Variants in MMP16 observed in about 807,000 individuals in gnomAD.
MMP16 encodes matrix metalloproteinase-16.
Under a neutral mutation model 67.8 loss-of-function variants are expected in MMP16, and 12 were observed. The observed-to-expected ratio is 0.18, with a 90% CI of 0.11 to 0.29. The LOEUF is 0.29. Ranked by LOEUF, MMP16 falls within the 10% of genes least tolerant of loss-of-function variation. The pLI is 1.00. For missense variants in MMP16, 475 were observed against 765.7 expected (o/e 0.62, Z 4.48); for synonymous variants, 249 against 255.9 (o/e 0.97, Z 0.26).
At chr8:88,079,776 C>G (rs1182071377) in intron 6 of MMP16, among the ~76,000 whole-genome samples, 4 of 152,062 alleles carry the variant, frequency 2.6e-5, no homozygotes, top group African/African-American at 4.8e-5. Flanking sequence ...GATTATTGCC[C>G]TTATAAAAGA....
intron 1 of MMP16, among the ~76,000 whole-genome samples, chr8:88,316,863 C>A (rs909092523): frequency 1.3e-5 from 2 of 152,138 alleles, no homozygotes; most frequent in Admixed American, 1.3e-4. Flanking sequence ...CACTAAGCAT[C>A]CTCATGATTC....
chr8:88,117,297 C>G (rs1809452404), intron 5 of MMP16, among the ~76,000 whole-genome samples: 1 of 151,932 alleles, frequency 6.6e-6, no homozygotes, highest in Non-Finnish European at 1.5e-5. Flanking sequence ...TCTAAAATAC[C>G]TATTGATTAA....
rs545600166 is a variant in MMP16 at position 88,227,025 on chromosome 8, C to T, written c.133-29719G>A. Among the ~76,000 whole-genome samples, 7 of 151,880 alleles carry T rather than the reference C, an allele frequency of 4.6e-5. No homozygotes were observed. In the South Asian group the frequency reaches 1.5e-3, roughly 32 times the overall value. ...CTTCTTCTTCTCACTTACAAATAAA[C>T]AAAAGTGATCTAGAGAGTGAGCAAA... On this transcript the variant is annotated intron_variant, in intron 1 of 9. Coordinates refer to ENST00000286614, the MANE Select transcript of MMP16 (RefSeq NM_005941.5).
chr8:88,240,039 G>A (rs934280815), intron 1 of MMP16, among the ~76,000 whole-genome samples: 1 of 152,192 alleles, frequency 6.6e-6, no homozygotes, highest in African/African-American at 2.4e-5. Context: ...GACCCATGCT[G>A]CCTTACATAC....
At chr8:88,085,988 C>A (rs930660864) in intron 6 of MMP16, among the ~76,000 whole-genome samples, 5 of 150,754 alleles carry the variant, frequency 3.3e-5, no homozygotes, top group Non-Finnish European at 4.4e-5. Flanking sequence ...AATGCATACT[C>A]ATTCATGAAG....
intron 8 of MMP16, among the ~76,000 whole-genome samples, chr8:88,050,582 T>G (rs1808257497): frequency 6.6e-6 from 1 of 152,208 alleles, no homozygotes. Flanking sequence ...TATAATAATG[T>G]CCTAACCATA....
At chr8:88,122,739 C>T (rs28907627) in intron 4 of MMP16, among the ~76,000 whole-genome samples, 1,790 of 151,596 alleles carry the variant, frequency 0.012, 20 homozygotes, top group South Asian at 0.026. Flanking sequence ...AGCCAGCCTC[C>T]GAGATGACAA....
chr8:88,308,132 A>T (rs1811238896), intron 1 of MMP16, among the ~76,000 whole-genome samples: 1 of 152,132 alleles, frequency 6.6e-6, no homozygotes, highest in Non-Finnish European at 1.5e-5. Flanking sequence ...CATTGAAAAC[A>T]TCATAAATGC....
At chr8:88,042,890 CTT>C in intron 9 of MMP16, among the ~76,000 whole-genome samples, 1 of 152,198 alleles carries the variant, frequency 6.6e-6, no homozygotes, top group East Asian at 1.9e-4. Context: ...GACTATAATA[CTT>C]TGACTTAATT....
chr8:88,186,491 T>C lies in MMP16; in HGVS notation c.389A>G (p.Lys130Arg), dbSNP rs1331980989. The change falls in exon 3 of 10, where the codon AAG (lysine) becomes AGG (arginine). Residue 130 changes from lysine to arginine, a missense_variant. Lys to Arg is a conservative substitution (Grantham distance 26, BLOSUM62 2). Around this residue, in one of 5 missense-constraint regions of MMP16, gnomAD observed 170 missense variants for 239.6 expected, o/e 0.71. Transcript: ENST00000286614. ...GTTCTTATACCTGTAAGTGATGTGC[T>C]TGTGCTGCCATTTCTGTCCTGTCAA... is the stretch of plus-strand genomic sequence containing the variant. ...YALTGQKWQH[K>R]HITYSIKNVT... 6.2e-7 allele frequency: 1 copy of C among 1,613,624 alleles called. No individual in the cohort carries two copies. The highest frequency in any genetic ancestry group is 1.7e-5 in the Admixed American group (1 of 59,966).
At chr8:88,318,766 T>C (rs1811413495) in intron 1 of MMP16, among the ~76,000 whole-genome samples, 1 of 152,232 alleles carries the variant, frequency 6.6e-6, no homozygotes, top group Admixed American at 6.5e-5. Context: ...ATGAAACATT[T>C]AGAACACTTA....
chr8:88,294,552 ATG>A lies in MMP16; in HGVS notation c.132+32521_132+32522del, dbSNP rs200501927. Among the ~76,000 whole-genome samples, 22 of 151,414 alleles carry A rather than the reference ATG, an allele frequency of 1.5e-4. No homozygotes were observed. In the East Asian group the frequency reaches 4.1e-3, roughly 28 times the overall value. On this transcript the variant is annotated intron_variant, in intron 1 of 9. Coordinates refer to ENST00000286614, the MANE Select transcript of MMP16 (RefSeq NM_005941.5). ...TGTCTCTATACACATATATGTATAT[ATG>A]TCTCTATACACACATATGTATATAT...
At chr8:88,263,974 A>G (rs148542127) in intron 1 of MMP16, among the ~76,000 whole-genome samples, 66 of 88,830 alleles carry the variant, frequency 7.4e-4, no homozygotes, top group African/African-American at 2.7e-3. Flanking sequence ...GAGAGAGAGA[A>G]AGAGAGAGAG....
chr8:88,055,785 A>AT (rs1427094805), intron 8 of MMP16, among the ~76,000 whole-genome samples: 2 of 151,938 alleles, frequency 1.3e-5, no homozygotes, highest in Non-Finnish European at 2.9e-5. Context: ...GCTTGAAAGT[A>AT]TTTTTTTTCT....
At chr8:88,157,168 G>A (rs767315903) in intron 4 of MMP16, among the ~76,000 whole-genome samples, 1 of 151,918 alleles carries the variant, frequency 6.6e-6, no homozygotes, top group Non-Finnish European at 1.5e-5. Context: ...AATCAACCAT[G>A]GATTGAAATA....
chr8:88,265,075 C>G (rs1284542136), intron 1 of MMP16, among the ~76,000 whole-genome samples: 1 of 152,134 alleles, frequency 6.6e-6, no homozygotes, highest in Non-Finnish European at 1.5e-5. Context: ...TTGATGCTAC[C>G]TAAAAACCCT....
intron 1 of MMP16, among the ~76,000 whole-genome samples, chr8:88,215,193 G>A (rs766638244): frequency 3.3e-5 from 5 of 151,958 alleles, no homozygotes; most frequent in Non-Finnish European, 4.4e-5. Flanking sequence ...AGCTGGGCGT[G>A]GTGGTGGGCA....
chr8:88,240,412 C>T (rs934226028), intron 1 of MMP16, among the ~76,000 whole-genome samples: 6 of 152,040 alleles, frequency 3.9e-5, no homozygotes, highest in Non-Finnish European at 8.8e-5. Context: ...ATTTGGGGAA[C>T]ACAGGGAAAG....
At chr8:88,176,427 G>C (rs1808891340) in intron 3 of MMP16, among the ~76,000 whole-genome samples, 1 of 152,112 alleles carries the variant, frequency 6.6e-6, no homozygotes, top group Non-Finnish European at 1.5e-5. Context: ...AGGATTCAGA[G>C]ATACTAATTA....
Sources: gnomAD v4.1 joint callset for allele counts (sites outside exome capture counted in the v4.1 genomes callset) on GRCh38, gnomAD v4.1.1 for gene constraint, gnomAD v4.1.1 regional missense constraint, MANE v1.5 for transcripts, NCBI Gene and HGNC (gene_info 2026-07-23, HGNC 2026-07-21) for gene names.